The following CPQ variants were observed in gnomAD, a reference collection of about 807,000 sequenced individuals.
The protein encoded by CPQ is Ser-Met dipeptidase.
A neutral mutation model predicts 45.7 loss-of-function variants in CPQ; 37 were observed. That is an observed-to-expected ratio of 0.81 (90% CI 0.62 to 1.07). The LOEUF is 1.07. Among genes scored for constraint, CPQ ranks in the 50% least tolerant of loss-of-function variants. The probability of loss-of-function intolerance (pLI) is 0.00; values close to 1 mark genes in which losing one functional copy is unlikely to be tolerated. For missense variants in CPQ, 537 were observed against 572.9 expected (o/e 0.94, Z 0.64); for synonymous variants, 186 against 205.8 (o/e 0.90, Z 0.82).
intron 3 of CPQ, among the ~76,000 whole-genome samples, chr8:96,854,308 G>T (rs984352452): frequency 1.3e-5 from 2 of 151,538 alleles, no homozygotes; most frequent in Non-Finnish European, 2.9e-5. Context: ...GAGGCGGGCG[G>T]ATCACGAGGT....
intron 5 of CPQ, among the ~76,000 whole-genome samples, chr8:96,976,067 T>A (rs948538251): frequency 5.3e-5 from 8 of 151,964 alleles, no homozygotes; most frequent in Non-Finnish European, 2.9e-5. Flanking sequence ...TTGCTGATGA[T>A]ATGATTGTAT....
intron 5 of CPQ, among the ~76,000 whole-genome samples, chr8:96,969,634 CTG>C (rs1420709706): frequency 6.6e-6 from 1 of 151,738 alleles, no homozygotes; most frequent in Non-Finnish European, 1.5e-5. Flanking sequence ...GCTTCCAGTT[CTG>C]TGTGTCATTA....
intron 4 of CPQ, among the ~76,000 whole-genome samples, chr8:96,924,902 T>C (rs1416153467): frequency 6.6e-6 from 1 of 152,242 alleles, no homozygotes; most frequent in Non-Finnish European, 1.5e-5. Context: ...AATTGACTTT[T>C]TAACTTTTTT....
Position 96,817,856 on chromosome 8 carries a change from T to G in CPQ, c.434-17117T>G, listed in dbSNP as rs576198549. 5.3e-5 allele frequency among the ~76,000 whole-genome samples: 8 copies of G among 152,076 alleles called. No individual in the cohort carries two copies. In the East Asian group the frequency reaches 1.6e-3, roughly 30 times the overall value. ...TCTCCAACTACTGGATTCAAGCAAT[T>G]CTCCTACCTTGGCTTCCCAAATTGC... On this transcript the variant is annotated intron_variant, in intron 2 of 7. Transcript: ENST00000220763.
At chr8:96,764,556 A>G (rs1810444001) in intron 1 of CPQ, among the ~76,000 whole-genome samples, 1 of 152,192 alleles carries the variant, frequency 6.6e-6, no homozygotes, top group South Asian at 2.1e-4. Context: ...AAATATGTGC[A>G]GTCTATTATA....
intron 4 of CPQ, among the ~76,000 whole-genome samples, chr8:96,904,686 G>A (rs1480432290): frequency 6.6e-6 from 1 of 152,166 alleles, no homozygotes; most frequent in Non-Finnish European, 1.5e-5. Flanking sequence ...GGAGAAAGGA[G>A]ATTGGGGAGA....
intron 1 of CPQ, among the ~76,000 whole-genome samples, chr8:96,674,716 C>G (rs1476993681): frequency 6.6e-6 from 1 of 152,050 alleles, no homozygotes; most frequent in Non-Finnish European, 1.5e-5. Flanking sequence ...GCAGCTACAT[C>G]CCATAAAACT....
At chr8:97,059,068 G>A (rs1359119635) in intron 6 of CPQ, among the ~76,000 whole-genome samples, 1 of 152,020 alleles carries the variant, frequency 6.6e-6, no homozygotes, top group East Asian at 1.9e-4. Context: ...TGTGTTTTTG[G>A]TAAGCTTAAG....
intron 5 of CPQ, among the ~76,000 whole-genome samples, chr8:96,987,180 A>T (rs976798066): frequency 6.6e-6 from 1 of 152,164 alleles, no homozygotes; most frequent in Non-Finnish European, 1.5e-5. Context: ...ACATATGTCC[A>T]TATGTTATGT....
chr8:97,026,153 A>G (rs190530504), intron 5 of CPQ, among the ~76,000 whole-genome samples: 3 of 152,312 alleles, frequency 2.0e-5, no homozygotes, highest in Admixed American at 2.0e-4. Context: ...GTTCTCCCAC[A>G]TGCTCTCCCT....
intron 1 of CPQ, among the ~76,000 whole-genome samples, chr8:96,703,090 T>C (rs1586365440): frequency 6.6e-6 from 1 of 152,210 alleles, no homozygotes; most frequent in Non-Finnish European, 1.5e-5. Flanking sequence ...TATGTCTTCA[T>C]AAGTTGATGA....
chr8:96,805,985 G>A (rs907823982), intron 2 of CPQ, among the ~76,000 whole-genome samples: 8 of 152,180 alleles, frequency 5.3e-5, no homozygotes, highest in Non-Finnish European at 8.8e-5. Flanking sequence ...CAATGGATCA[G>A]CCATAGGATT....
intron 1 of CPQ, among the ~76,000 whole-genome samples, chr8:96,763,999 C>T (rs150293886): frequency 3.2e-4 from 49 of 152,306 alleles, no homozygotes; most frequent in African/African-American, 1.1e-3. Context: ...CATACACTTA[C>T]ATGGTCCAGC....
At chr8:96,761,384 G>A (rs1027933745) in intron 1 of CPQ, 8 of 152,228 alleles carry the variant, frequency 5.3e-5, no homozygotes, top group Non-Finnish European at 7.3e-5. Context: ...TGCTCTAAGC[G>A]CCCTTAGTGT....
rs560970417 is a variant in CPQ at position 96,797,115 on chromosome 8, A to G, written c.433+11785A>G. Among the ~76,000 whole-genome samples the G allele has an allele frequency of 8.5e-5, 13 of 152,348 alleles. No homozygotes were observed. In the South Asian group the frequency reaches 1.7e-3, roughly 19 times the overall value. On this transcript the variant is annotated intron_variant, in intron 2 of 7. Coordinates refer to ENST00000220763, the MANE Select transcript of CPQ (RefSeq NM_016134.4). ...ATGGCCTTTGTCAGAAAACTGCCACAGAAAATCTAGAGATTTTCACAATGG... is the reference window on the plus strand; with the variant it reads ...ATGGCCTTTGTCAGAAAACTGCCACGGAAAATCTAGAGATTTTCACAATGG...
chr8:96,958,285 A>C (rs1395751264), intron 4 of CPQ, among the ~76,000 whole-genome samples: 1 of 152,158 alleles, frequency 6.6e-6, no homozygotes, highest in Non-Finnish European at 1.5e-5. Context: ...CAATATTAAC[A>C]TAGAAGTTAC....
chr8:97,031,519 A>G (rs2089267211), intron 6 of CPQ, among the ~76,000 whole-genome samples: 1 of 152,150 alleles, frequency 6.6e-6, no homozygotes. Flanking sequence ...TCCAAGAAAA[A>G]TATTGGATTT....
At chr8:96,732,374 A>G (rs1809923049) in intron 1 of CPQ, 1 of 152,170 alleles carries the variant, frequency 6.6e-6, no homozygotes, top group African/African-American at 2.4e-5. Context: ...ATCTGGATAA[A>G]TGGAGGAATA....
intron 1 of CPQ, among the ~76,000 whole-genome samples, chr8:96,709,426 G>T (rs1056110624): frequency 1.3e-5 from 2 of 152,066 alleles, no homozygotes; most frequent in Non-Finnish European, 2.9e-5. Context: ...AAGTACATTA[G>T]TTCATTCCTT....
Sources: gnomAD v4.1 joint callset for allele counts (sites outside exome capture counted in the v4.1 genomes callset) on GRCh38, gnomAD v4.1.1 for gene constraint, MANE v1.5 for transcripts, NCBI Gene and HGNC (gene_info 2026-07-23, HGNC 2026-07-21) for gene names.